The following ULK4 variants were observed in gnomAD, a reference collection of about 807,000 sequenced individuals.
The protein encoded by ULK4 is inactive serine/threonine-protein kinase ULK4.
Under a neutral mutation model 160.6 loss-of-function variants are expected in ULK4, and 133 were observed. That is an observed-to-expected ratio of 0.83 (90% CI 0.72 to 0.96). The LOEUF is 0.96. ULK4 is among the 40% of genes least tolerant of loss of function. ULK4 has a pLI of 0.00. For synonymous variants in ULK4, 534 were observed against 539.8 expected (o/e 0.99, Z 0.15); for missense variants, 1,580 against 1,499.5 (o/e 1.05, Z -0.89).
Position 41,911,570 on chromosome 3 carries a change from C to A in ULK4, c.986G>T (p.Gly329Val). ...QSRQAKGHKS[G>V]QPLGHSFRLE... ...TCTGAAAGAGTGACCTAGTGGTTGA[C>A]CACTCTTGTGCCCTTTTGCTTGTCT... The change falls in exon 10 of 37, where the codon GGT (glycine) becomes GTT (valine). Residue 329 changes from glycine (G) to valine (V), a missense_variant. By Grantham distance (109) the Gly-to-Val change is moderately radical (BLOSUM62 -3). Transcript: ENST00000301831. The A allele has an allele frequency of 5.0e-6, 8 of 1,613,960 alleles. No individual in the cohort carries two copies. The highest frequency in any genetic ancestry group is 6.8e-6 in the Non-Finnish European group (8 of 1,179,962).
chr3:41,692,481 A>C (rs550587523), intron 27 of ULK4, among the ~76,000 whole-genome samples: 15 of 151,576 alleles, frequency 9.9e-5, no homozygotes, highest in South Asian at 8.4e-4. Flanking sequence ...AGAATCTTCC[A>C]CAGAATTTAT....
intron 34 of ULK4, among the ~76,000 whole-genome samples, chr3:41,432,267 T>C (rs976475327): frequency 2.6e-5 from 4 of 152,154 alleles, no homozygotes; most frequent in African/African-American, 7.2e-5. Flanking sequence ...AATACAAGCA[T>C]AAATGATTAT....
chr3:41,522,205 C>A (rs1487186407), intron 32 of ULK4, among the ~76,000 whole-genome samples: 2 of 150,400 alleles, frequency 1.3e-5, no homozygotes, highest in African/African-American at 2.5e-5. Flanking sequence ...CAGCTCACTG[C>A]AGCCCCTGCC....
At chr3:41,254,593 A>G (rs1357985850) in intron 35 of ULK4, among the ~76,000 whole-genome samples, 3 of 152,160 alleles carry the variant, frequency 2.0e-5, no homozygotes, top group African/African-American at 7.2e-5. Context: ...AGGAACTAGG[A>G]AAAAAGGGCC....
chr3:41,534,516 C>A (rs115365122), intron 32 of ULK4, among the ~76,000 whole-genome samples: 103 of 142,022 alleles, frequency 7.3e-4, no homozygotes, highest in Non-Finnish European at 7.0e-4. Context: ...AATGTTTAAG[C>A]AAAAAAAAAA....
intron 21 of ULK4, among the ~76,000 whole-genome samples, chr3:41,771,367 C>G (rs1037315198): frequency 2.0e-5 from 3 of 152,208 alleles, no homozygotes; most frequent in African/African-American, 7.2e-5. Context: ...AATACATTGT[C>G]ACAGTGTTTT....
intron 32 of ULK4, among the ~76,000 whole-genome samples, chr3:41,532,772 T>C (rs999654798): frequency 6.6e-6 from 1 of 152,174 alleles, no homozygotes; most frequent in Admixed American, 6.5e-5. Flanking sequence ...GTCGAGACTT[T>C]TACAGAATAA....
rs150967556 is a variant in ULK4 at position 41,497,389 on chromosome 3, T to C, written c.3227-34136A>G. 9.9e-4 allele frequency among the ~76,000 whole-genome samples: 150 copies of C among 151,958 alleles called. 1 individual carries two copies. Among genetic ancestry groups the C allele is most frequent in the African/African-American group, 3.4e-3 (142 of 41,504 alleles). On this transcript the variant is annotated intron_variant, in intron 32 of 36. Coordinates refer to ENST00000301831, the MANE Select transcript of ULK4 (RefSeq NM_017886.4). The stretch of plus-strand genomic sequence containing the variant: ...ATTCAATCTGCTGAACTACACCAAA[T>C]AGACTAATGTATATAATATACATAT...
At chr3:41,887,740 G>C (rs1240739221) in intron 16 of ULK4, among the ~76,000 whole-genome samples, 1 of 149,692 alleles carries the variant, frequency 6.7e-6, no homozygotes, top group East Asian at 2.0e-4. Flanking sequence ...AGAATCGCTT[G>C]AACCCAGGAG....
At chr3:41,817,115 T>C (rs929523174) in intron 19 of ULK4, among the ~76,000 whole-genome samples, 5 of 152,118 alleles carry the variant, frequency 3.3e-5, no homozygotes, top group Non-Finnish European at 7.3e-5. Context: ...CAATGAGGCA[T>C]ATTTCAACAA....
chr3:41,538,979 A>C (rs1445999531), intron 32 of ULK4, among the ~76,000 whole-genome samples: 1 of 151,562 alleles, frequency 6.6e-6, no homozygotes, highest in Non-Finnish European at 1.5e-5. Flanking sequence ...GTAGTCAATG[A>C]AAAAACAGAC....
intron 21 of ULK4, among the ~76,000 whole-genome samples, chr3:41,769,418 C>G (rs1423807084): frequency 6.6e-6 from 1 of 152,126 alleles, no homozygotes; most frequent in African/African-American, 2.4e-5. Context: ...TTTAGAGAAC[C>G]AAAAATGACT....
intron 19 of ULK4, among the ~76,000 whole-genome samples, chr3:41,805,029 G>A (rs1166149428): frequency 1.3e-5 from 2 of 152,176 alleles, no homozygotes; most frequent in African/African-American, 2.4e-5. Context: ...GAAAGTCATT[G>A]GTAGCTTGAT....
chr3:41,878,081 G>GAA lies in ULK4; in HGVS notation c.1656+5791_1656+5792dup, dbSNP rs35037891. On this transcript the variant is annotated intron_variant, in intron 17 of 36. Coordinates refer to ENST00000301831, the MANE Select transcript of ULK4 (RefSeq NM_017886.4). ...TCTAACCTCTGAAAAGCTCTACCAG[G>GAA]AAAAAAAAAAAAAAAAAAAAACCTA... is the stretch of plus-strand genomic sequence containing the variant. Among the ~76,000 whole-genome samples, 410 of 108,238 alleles carry GAA rather than the reference G, an allele frequency of 3.8e-3. 3 individuals are homozygous for GAA. Among genetic ancestry groups the GAA allele is most frequent in the Middle Eastern group, 0.015 (3 of 198 alleles). The allele number at this position is 108,238 out of a possible 152,430, so 71.0% of individuals were successfully genotyped here.
At chr3:41,867,869 A>AT (rs1219880795) in intron 17 of ULK4, among the ~76,000 whole-genome samples, 1 of 152,202 alleles carries the variant, frequency 6.6e-6, no homozygotes, top group Non-Finnish European at 1.5e-5. Flanking sequence ...AATTTGTGAG[A>AT]TTTTATTGAC....
intron 35 of ULK4, among the ~76,000 whole-genome samples, chr3:41,363,409 A>G (rs1377292972): frequency 6.6e-6 from 1 of 152,208 alleles, no homozygotes; most frequent in Non-Finnish European, 1.5e-5. Flanking sequence ...GCGAATCAGG[A>G]AAAAGAGGCT....
intron 34 of ULK4, among the ~76,000 whole-genome samples, chr3:41,438,006 C>A (rs544117864): frequency 6.6e-6 from 1 of 151,614 alleles, no homozygotes. Context: ...TGTGCCTCAA[C>A]TCTGGAGAGC....
intron 1 of ULK4, among the ~76,000 whole-genome samples, chr3:41,960,553 T>C (rs1054530518): frequency 2.4e-4 from 37 of 152,046 alleles, no homozygotes; most frequent in Admixed American, 1.0e-3. Flanking sequence ...TTGGTAGATA[T>C]GGAGTTTCAC....
chr3:41,827,598 GGAA>G (rs1385745411), intron 18 of ULK4, among the ~76,000 whole-genome samples: 1 of 152,054 alleles, frequency 6.6e-6, no homozygotes, highest in Non-Finnish European at 1.5e-5. Flanking sequence ...GACTAAACCA[GGAA>G]GAAGTTGAAT....
Sources: allele counts gnomAD v4.1 joint callset (sites outside exome capture counted in the v4.1 genomes callset), GRCh38; gene constraint gnomAD v4.1.1; transcripts MANE v1.5; gene names NCBI Gene and HGNC (gene_info 2026-07-23, HGNC 2026-07-21).